The following CLIC5 variants were observed in gnomAD, a reference collection of about 807,000 sequenced individuals.
The protein encoded by CLIC5 is CLIC family member 5.
Under a neutral mutation model 24.7 loss-of-function variants are expected in CLIC5, and 20 were observed. The observed-to-expected ratio is 0.81, with a 90% CI of 0.57 to 1.18. The LOEUF (loss-of-function observed/expected upper bound fraction) is 1.18, where lower values mean the gene tolerates loss of function less well. Among genes scored for constraint, CLIC5 ranks in the 50% most tolerant of loss-of-function variants. CLIC5 has a pLI of 0.00. For synonymous variants in CLIC5, 159 were observed against 135.6 expected (o/e 1.17, Z -1.20); for missense variants, 341 against 326.1 (o/e 1.05, Z -0.35).
chr6:45,936,921 G>C (rs575158052), intron 4 of CLIC5, among the ~76,000 whole-genome samples: 1 of 152,246 alleles, frequency 6.6e-6, no homozygotes, highest in East Asian at 1.9e-4. Context: ...TGAAGAGCAG[G>C]TTGGAAAGAG....
intron 4 of CLIC5, among the ~76,000 whole-genome samples, chr6:45,917,482 T>G (rs1253841156): frequency 6.6e-6 from 1 of 152,174 alleles, no homozygotes; most frequent in Non-Finnish European, 1.5e-5. Context: ...TGTGGCCAAC[T>G]CCCTGGAGAG....
chr6:46,107,095 G>A, the CLIC5 span, among the ~76,000 whole-genome samples: 1 of 152,036 alleles, frequency 6.6e-6, no homozygotes, highest in East Asian at 1.9e-4. Flanking sequence ...CATGATTTTA[G>A]TAATCTTTCA....
At chr6:46,051,565 G>A (rs1334709268) in intron 1 of CLIC5, among the ~76,000 whole-genome samples, 1 of 152,118 alleles carries the variant, frequency 6.6e-6, no homozygotes, top group East Asian at 1.9e-4. Flanking sequence ...TCTGCAGTTG[G>A]GGCAATCTCT....
chr6:45,980,274 G>A (rs959788582), intron 1 of CLIC5, among the ~76,000 whole-genome samples: 2 of 152,034 alleles, frequency 1.3e-5, no homozygotes, highest in Non-Finnish European at 2.9e-5. Context: ...TTTTATGCCA[G>A]TACCATGCTG....
chr6:45,891,406 G>A lies in CLIC5; in HGVS notation c.624-10218C>T, dbSNP rs544185101. 2.0e-5 allele frequency among the ~76,000 whole-genome samples: 3 copies of A among 152,270 alleles called. No individual in the cohort carries two copies. In the South Asian group the frequency reaches 6.2e-4, roughly 32 times the overall value. ...TAATTCCAACACTTTGGGAGGCCAA[G>A]GTGGGTGGATCATGAGGTCAAGAGA... On this transcript the variant is annotated intron_variant, in intron 6 of 6. Transcript: ENST00000644324.
At chr6:45,884,821 C>T (rs1762291167) in intron 6 of CLIC5, among the ~76,000 whole-genome samples, 1 of 152,000 alleles carries the variant, frequency 6.6e-6, no homozygotes, top group African/African-American at 2.4e-5. Flanking sequence ...TAAACAATGA[C>T]AACAAAATTT....
intron 1 of CLIC5, among the ~76,000 whole-genome samples, chr6:45,987,268 T>G (rs994837055): frequency 1.3e-5 from 2 of 152,204 alleles, no homozygotes; most frequent in Admixed American, 6.5e-5. Flanking sequence ...CCCTCTGAAC[T>G]CAACATTCAG....
intron 1 of CLIC5, among the ~76,000 whole-genome samples, chr6:46,053,772 G>A (rs1768171286): frequency 6.6e-6 from 1 of 152,118 alleles, no homozygotes; most frequent in African/African-American, 2.4e-5. Flanking sequence ...GTGGCTGCTG[G>A]GACCAATTGC....
At chr6:45,905,514 T>C (rs1412265191) in intron 5 of CLIC5, among the ~76,000 whole-genome samples, 2 of 151,692 alleles carry the variant, frequency 1.3e-5, no homozygotes, top group Non-Finnish European at 2.9e-5. Flanking sequence ...TGTTGGCCAC[T>C]TATTATGTCT....
At position 45,949,300 on chromosome 6, in the gene CLIC5, G is replaced by C. The variant is rs754528333; in HGVS notation, c.255C>G (p.Val85=). 1 of 1,613,920 alleles carries C rather than the reference G, an allele frequency of 6.2e-7. No individual in the cohort carries two copies. Among genetic ancestry groups the C allele is most frequent in the South Asian group, 1.1e-5 (1 of 91,058 alleles). The change falls in exon 3 of 6, where the codon GTC becomes GTG. Residue 85 remains valine (V), a synonymous_variant. Transcript: ENST00000339561. Reference sequence around the variant, plus strand: ...CCTCCAGGAACTCCTCGATCTTATTGACGTCTGTCTTCACGTCCCCGTTGA... The same window carrying C: ...CCTCCAGGAACTCCTCGATCTTATTCACGTCTGTCTTCACGTCCCCGTTGA... ...LTFNGDVKTD[V]NKIEEFLEET...
At chr6:45,958,977 A>G (rs1246795975) in intron 1 of CLIC5, among the ~76,000 whole-genome samples, 3 of 152,034 alleles carry the variant, frequency 2.0e-5, no homozygotes, top group Non-Finnish European at 2.9e-5. Context: ...ACATACATAC[A>G]TACATACATA....
intron 5 of CLIC5, among the ~76,000 whole-genome samples, chr6:45,906,969 G>A (rs185277916): frequency 5.3e-5 from 8 of 152,326 alleles, no homozygotes; most frequent in Non-Finnish European, 7.3e-5. Flanking sequence ...CACCAGTAAA[G>A]AGAGAGAATG....
rs577308781 is a variant in CLIC5, at chr6:45,947,304, G to A, written c.299+1952C>T. 6.7e-4 allele frequency among the ~76,000 whole-genome samples: 102 copies of A among 152,272 alleles called. 2 individuals are homozygous for A. The South Asian group carries it at 0.019, about 28-fold the overall frequency. Reference sequence around the variant, plus strand: ...TGGTGTGGTAGTGGTGAGGGAACCTGGCTAAAGGGCATGTGAAGAATCAGA... The same window carrying A: ...TGGTGTGGTAGTGGTGAGGGAACCTAGCTAAAGGGCATGTGAAGAATCAGA... On this transcript the variant is annotated intron_variant, in intron 3 of 5. Transcript: ENST00000339561.
chr6:45,897,358 T>A (rs2127287136), downstream of CLIC5, among the ~76,000 whole-genome samples: 1 of 152,276 alleles, frequency 6.6e-6, no homozygotes, highest in South Asian at 2.1e-4. Flanking sequence ...AGACCATTTG[T>A]GCTTTACTCT....
intron 3 of CLIC5, among the ~76,000 whole-genome samples, chr6:45,942,257 T>A (rs551810937): frequency 6.6e-6 from 1 of 152,314 alleles, no homozygotes; most frequent in South Asian, 2.1e-4. Flanking sequence ...TGTTTTCAAT[T>A]GTTTTATTTT....
At chr6:45,881,517 A>G (rs1762262673) in intron 6 of CLIC5, among the ~76,000 whole-genome samples, 1 of 152,184 alleles carries the variant, frequency 6.6e-6, no homozygotes. Flanking sequence ...AGAAAGGACA[A>G]AGCTCAGCTG....
chr6:45,995,197 T>C (rs996216386), intron 1 of CLIC5, among the ~76,000 whole-genome samples: 6 of 152,192 alleles, frequency 3.9e-5, no homozygotes, highest in African/African-American at 1.4e-4. Context: ...CACTTAACCA[T>C]TAGTGCCTCA....
chr6:45,962,808 G>C (rs1403288055), intron 1 of CLIC5, among the ~76,000 whole-genome samples: 1 of 152,150 alleles, frequency 6.6e-6, no homozygotes. Context: ...TAACTAGCCT[G>C]GTCTGATGGT....
chr6:45,981,989 C>T (rs1252464279), intron 1 of CLIC5, among the ~76,000 whole-genome samples: 1 of 140,782 alleles, frequency 7.1e-6, no homozygotes, highest in Non-Finnish European at 1.5e-5. Context: ...TAGAGGGAGA[C>T]TCCATCTCAA....
Sources: allele counts gnomAD v4.1 joint callset (sites outside exome capture counted in the v4.1 genomes callset), GRCh38; gene constraint gnomAD v4.1.1; transcripts MANE v1.5; gene names NCBI Gene and HGNC (gene_info 2026-07-23, HGNC 2026-07-21).